NRXN3: variants seen among roughly 807,000 people sequenced by gnomAD.
NRXN3 encodes neurexin 3.
NRXN3 carries 32 observed loss-of-function variants against 137.6 expected under a neutral mutation model. That is an observed-to-expected ratio of 0.23 (90% CI 0.18 to 0.31). The LOEUF (loss-of-function observed/expected upper bound fraction) is 0.31. Ranked by LOEUF, NRXN3 falls within the 10% of genes least tolerant of loss-of-function variation. The pLI, the probability that NRXN3 is intolerant of heterozygous loss-of-function variation, is 1.00. For synonymous variants in NRXN3, 798 were observed against 784.5 expected, an observed-to-expected ratio of 1.02 and a Z score of -0.29; for missense variants, 1,574 against 2,062.5, an observed-to-expected ratio of 0.76 and a Z score of 4.59.
chr14:79,264,743 A>C (rs1346791514), intron 15 of NRXN3, among the ~76,000 whole-genome samples: 2 of 152,134 alleles, frequency 1.3e-5, no homozygotes, highest in African/African-American at 4.8e-5. Context: ...ACAAATCCCA[A>C]ACTGATAAAC....
intron 15 of NRXN3, among the ~76,000 whole-genome samples, chr14:79,454,274 G>A (rs974075847): frequency 6.6e-6 from 1 of 152,002 alleles, no homozygotes; most frequent in African/African-American, 2.4e-5. Flanking sequence ...AGTAGAGACG[G>A]GGTTTCACCA....
At chr14:78,842,627 T>G (rs1208251669) in intron 10 of NRXN3, among the ~76,000 whole-genome samples, 1 of 152,102 alleles carries the variant, frequency 6.6e-6, no homozygotes, top group Non-Finnish European at 1.5e-5. Context: ...TGACTAAAAT[T>G]TATTAGGTGG....
At chr14:79,117,133 A>G (rs1036415331) in intron 15 of NRXN3, among the ~76,000 whole-genome samples, 1 of 152,238 alleles carries the variant, frequency 6.6e-6, no homozygotes. Flanking sequence ...TCCTTGTCCT[A>G]CAGCTTACAT....
At position 79,640,126 on chromosome 14, in the gene NRXN3, G is replaced by A. The variant is rs2098425382; in HGVS notation, c.3445-23652G>A. 2.2e-5 allele frequency among the ~76,000 whole-genome samples: 3 copies of A among 135,348 alleles called. 1 individual carries two copies. The Admixed American group carries it at 2.4e-4, about 11-fold the overall frequency. 88.8% of individuals were successfully genotyped at this position (135,348 alleles called of 152,430 possible). On this transcript the variant is annotated intron_variant, in intron 16 of 20. Transcript: ENST00000335750. ...GAAGAGAAAATTTACATAAGCCAGG[G>A]AGGCCAACTTAATTTTCTAAAGTAG... is the stretch of plus-strand genomic sequence containing the variant.
chr14:78,661,490 C>A (rs1190347527), intron 6 of NRXN3, among the ~76,000 whole-genome samples: 1 of 152,172 alleles, frequency 6.6e-6, no homozygotes, highest in African/African-American at 2.4e-5. Flanking sequence ...TAAGATGGCA[C>A]AAAGCTCTGT....
intron 15 of NRXN3, among the ~76,000 whole-genome samples, chr14:79,219,578 G>T (rs2069164223): frequency 6.6e-6 from 1 of 152,114 alleles, no homozygotes; most frequent in African/African-American, 2.4e-5. Flanking sequence ...ATCTTTAAAG[G>T]CTTTCCCCTG....
At chr14:79,615,059 T>A (rs2098140563) in intron 16 of NRXN3, among the ~76,000 whole-genome samples, 2 of 152,138 alleles carry the variant, frequency 1.3e-5, no homozygotes, top group Admixed American at 1.3e-4. Flanking sequence ...AGGATTGCAG[T>A]GACAACGGAT....
intron 6 of NRXN3, among the ~76,000 whole-genome samples, chr14:78,678,486 T>A (rs2152735118): frequency 6.6e-6 from 1 of 152,244 alleles, no homozygotes. Context: ...TGCCAGAGTT[T>A]ATCTAGTACA....
At chr14:78,702,724 G>A (rs1168431608) in intron 6 of NRXN3, among the ~76,000 whole-genome samples, 4 of 152,184 alleles carry the variant, frequency 2.6e-5, no homozygotes, top group South Asian at 2.1e-4. Flanking sequence ...GATTACAGGC[G>A]AAAGCCCCTT....
intron 8 of NRXN3, among the ~76,000 whole-genome samples, chr14:78,725,126 G>T (rs973586716): frequency 6.6e-6 from 1 of 152,146 alleles, no homozygotes; most frequent in Non-Finnish European, 1.5e-5. Context: ...TGTGCGATTA[G>T]CATGTTCCCC....
intron 15 of NRXN3, among the ~76,000 whole-genome samples, chr14:78,989,073 C>A (rs1050325414): frequency 6.6e-6 from 1 of 152,108 alleles, no homozygotes; most frequent in African/African-American, 2.4e-5. Context: ...TCTGAATAAC[C>A]GTGGCAAAGA....
intron 15 of NRXN3, among the ~76,000 whole-genome samples, chr14:78,990,794 C>T (rs989530224): frequency 9.2e-5 from 14 of 152,252 alleles, no homozygotes; most frequent in African/African-American, 2.6e-4. Flanking sequence ...TTACATTGGA[C>T]GTTTCTGTTT....
At chr14:79,817,397 T>A (rs1164363394) in intron 20 of NRXN3, among the ~76,000 whole-genome samples, 2 of 152,202 alleles carry the variant, frequency 1.3e-5, no homozygotes, top group Admixed American at 1.3e-4. Flanking sequence ...CAACATTGAA[T>A]AAAGTCCTTT....
At chr14:78,558,969 G>C (rs1206777064) in intron 4 of NRXN3, among the ~76,000 whole-genome samples, 2 of 152,136 alleles carry the variant, frequency 1.3e-5, no homozygotes, top group Non-Finnish European at 2.9e-5. Context: ...CACTGTATAT[G>C]AATTTGGCTC....
At chr14:79,635,198 A>G (rs998720009) in intron 16 of NRXN3, among the ~76,000 whole-genome samples, 14 of 152,232 alleles carry the variant, frequency 9.2e-5, no homozygotes, top group African/African-American at 3.4e-4. Flanking sequence ...AAGTATGCAC[A>G]ATGATTATGT....
intron 4 of NRXN3, among the ~76,000 whole-genome samples, chr14:78,478,413 A>G (rs1372770717): frequency 6.6e-6 from 1 of 152,092 alleles, no homozygotes; most frequent in Non-Finnish European, 1.5e-5. Flanking sequence ...ATTTAGCATC[A>G]TTTTCTCTTT....
chr14:78,205,234 T>C (rs2062068486), intron 1 of NRXN3, among the ~76,000 whole-genome samples: 1 of 152,240 alleles, frequency 6.6e-6, no homozygotes, highest in Non-Finnish European at 1.5e-5. Flanking sequence ...TTTCTGACAA[T>C]GACAAGCATA....
intron 16 of NRXN3, among the ~76,000 whole-genome samples, chr14:79,568,149 C>T (rs2097567094): frequency 6.6e-6 from 1 of 152,172 alleles, no homozygotes. Context: ...GTATTCCACA[C>T]AGTTTCCATC....
intron 20 of NRXN3, among the ~76,000 whole-genome samples, chr14:79,807,410 A>C (rs1283625512): frequency 1.3e-5 from 2 of 152,154 alleles, no homozygotes; most frequent in African/African-American, 4.8e-5. Context: ...CATTCATAAT[A>C]AGGCAGTGGG....
Sources: gnomAD v4.1 joint callset for allele counts (sites outside exome capture counted in the v4.1 genomes callset) on GRCh38, gnomAD v4.1.1 for gene constraint, MANE v1.5 for transcripts, NCBI Gene and HGNC (gene_info 2026-07-23, HGNC 2026-07-21) for gene names.